The following PUDP variants were observed in gnomAD, a reference collection of about 807,000 sequenced individuals.
PUDP encodes pseudouridine-5'-phosphatase.
A neutral mutation model predicts 9.4 loss-of-function variants in PUDP; 8 were observed. The ratio of observed to expected loss-of-function variants is 0.85; its 90% CI spans 0.50 to 1.53. The LOEUF (loss-of-function observed/expected upper bound fraction) is 1.53. Ranked by LOEUF, PUDP falls within the 40% of genes most tolerant of loss-of-function variation. The pLI is 0.00. For missense variants in PUDP, 188 were observed against 189.7 expected (o/e 0.99, Z 0.05); for synonymous variants, 99 against 80.7 (o/e 1.23, Z -1.22).
At chrX:6,738,740 T>A (rs1424590354) in intron 3 of PUDP, among the ~76,000 whole-genome samples, 1 of 110,923 alleles carries the variant, frequency 9.0e-6, no homozygotes, top group Admixed American at 9.7e-5. Flanking sequence ...CCACAGAGAA[T>A]GACTTCACCC....
At chrX:7,038,024 CCAT>C (rs1393632429) in intron 1 of PUDP, among the ~76,000 whole-genome samples, 1 of 112,033 alleles carries the variant, frequency 8.9e-6, no homozygotes, top group Non-Finnish European at 1.9e-5. Context: ...ATGTATATAG[CCAT>C]CATTTTTTTT....
At chrX:7,058,002 G>A (rs961737668) in intron 3 of PUDP, among the ~76,000 whole-genome samples, 2 of 110,882 alleles carry the variant, frequency 1.8e-5, no homozygotes, top group African/African-American at 3.3e-5. Flanking sequence ...TCCTGTCCCC[G>A]TGGCACTTGC....
intron 2 of PUDP, among the ~76,000 whole-genome samples, chrX:7,083,561 G>C (rs1209459183): frequency 9.0e-6 from 1 of 111,207 alleles, no homozygotes; most frequent in Non-Finnish European, 1.9e-5. Context: ...ACAGTTGTGG[G>C]GGGCAGGTGG....
intron 1 of PUDP, among the ~76,000 whole-genome samples, chrX:7,003,103 AAC>A (rs773070919): frequency 4.6e-4 from 52 of 112,195 alleles, no homozygotes; most frequent in African/African-American, 1.7e-3. Context: ...CCTGAGACGA[AAC>A]AGTTTTATGA....
chrX:6,744,693 G>A (rs777702777), intron 3 of PUDP, among the ~76,000 whole-genome samples: 12 of 111,251 alleles, frequency 1.1e-4, no homozygotes, highest in Non-Finnish European at 1.9e-4. Flanking sequence ...TCCCAGGGGG[G>A]CGAAAGACAT....
intron 3 of PUDP, among the ~76,000 whole-genome samples, chrX:7,063,929 T>C (rs2064058178): frequency 8.9e-6 from 1 of 111,976 alleles, no homozygotes; most frequent in African/African-American, 3.2e-5. Flanking sequence ...ATTTCAGGTG[T>C]GAGCCACTGC....
chrX:6,716,786 C>T (rs1041947305), intron 1 of PUDP, among the ~76,000 whole-genome samples: 1 of 111,035 alleles, frequency 9.0e-6, no homozygotes, highest in East Asian at 2.8e-4. Flanking sequence ...GAAGACATCA[C>T]CATGCCTAGC....
At chrX:6,898,606 C>T (rs934835702) in intron 3 of PUDP, among the ~76,000 whole-genome samples, 3 of 111,910 alleles carry the variant, frequency 2.7e-5, no homozygotes, top group South Asian at 3.8e-4. Flanking sequence ...TTGGCTCTGT[C>T]GGCCACAGGG....
intron 3 of PUDP, among the ~76,000 whole-genome samples, chrX:6,759,159 G>C (rs769967668): frequency 1.1e-3 from 123 of 112,154 alleles, no homozygotes; most frequent in African/African-American, 3.9e-3. Flanking sequence ...TCATTTCATG[G>C]GAGCCCAAAG....
chrX:6,915,170 T>C (rs1040205600), intron 3 of PUDP, among the ~76,000 whole-genome samples: 7 of 112,427 alleles, frequency 6.2e-5, no homozygotes, highest in African/African-American at 2.3e-4. Flanking sequence ...GAATAGCTAC[T>C]CATTTTCCCA....
chrX:7,032,605 T>C (rs905786846), intron 1 of PUDP, among the ~76,000 whole-genome samples: 20 of 112,222 alleles, frequency 1.8e-4, no homozygotes, highest in African/African-American at 2.3e-4. Context: ...TGTTGTTAAA[T>C]AGGCCAGATA....
intron 3 of PUDP, among the ~76,000 whole-genome samples, chrX:6,810,796 A>G (rs1466173452): frequency 1.8e-5 from 2 of 111,664 alleles, no homozygotes; most frequent in Non-Finnish European, 3.8e-5. Context: ...GAAGCTCAAG[A>G]ATTAGATATT....
At chrX:6,969,888 T>A (rs1445173190) in intron 3 of PUDP, among the ~76,000 whole-genome samples, 1 of 112,125 alleles carries the variant, frequency 8.9e-6, no homozygotes, top group Non-Finnish European at 1.9e-5. Context: ...CTTTGTAAAA[T>A]TTTTTGGAAG....
At chrX:6,795,367 G>A (rs992515878) in intron 3 of PUDP, among the ~76,000 whole-genome samples, 4 of 111,772 alleles carry the variant, frequency 3.6e-5, no homozygotes, top group African/African-American at 1.3e-4. Context: ...CAAATCCTCT[G>A]GGTCAGAGAC....
At chrX:6,723,278 A>C (rs1924695159), upstream of PUDP, among the ~76,000 whole-genome samples, 1 of 106,420 alleles carries the variant, frequency 9.4e-6, no homozygotes, top group African/African-American at 3.4e-5. Flanking sequence ...CAATAAAAAA[A>C]AAAAAAATTA....
At chrX:6,726,024 G>C (rs977925097), upstream of PUDP, among the ~76,000 whole-genome samples, 12 of 111,901 alleles carry the variant, frequency 1.1e-4, no homozygotes, top group Non-Finnish European at 2.1e-4. Flanking sequence ...AAGCAGGAAC[G>C]TGTCCTCTTT....
At chrX:7,061,871 A>G (rs934919346) in intron 3 of PUDP, among the ~76,000 whole-genome samples, 5 of 111,746 alleles carry the variant, frequency 4.5e-5, no homozygotes, top group African/African-American at 1.6e-4. Context: ...AGCTATTATT[A>G]TGATAATGGT....
chrX:7,087,024 C>G (rs1931283583), intron 2 of PUDP, among the ~76,000 whole-genome samples: 1 of 111,801 alleles, frequency 8.9e-6, no homozygotes, highest in African/African-American at 3.3e-5. Flanking sequence ...CTGGGGCAAC[C>G]TGAACAGTGG....
intron 3 of PUDP, among the ~76,000 whole-genome samples, chrX:6,802,735 A>G (rs1227417237): frequency 9.2e-6 from 1 of 108,409 alleles, no homozygotes; most frequent in Non-Finnish European, 1.9e-5. Flanking sequence ...AATACAAAAA[A>G]TTAGCCAGGC....
Sources: gnomAD v4.1 joint callset for allele counts (sites outside exome capture counted in the v4.1 genomes callset) on GRCh38, gnomAD v4.1.1 for gene constraint, MANE v1.5 for transcripts, NCBI Gene and HGNC (gene_info 2026-07-23, HGNC 2026-07-21) for gene names.